The following FAM163B variants were observed in gnomAD, a reference collection of about 807,000 sequenced individuals.
FAM163B encodes family with sequence similarity 163 member B.
In FAM163B, 4 loss-of-function variants were observed where a neutral mutation model predicts 7.6. That is an observed-to-expected ratio of 0.52 (90% CI 0.26 to 1.20). The LOEUF (loss-of-function observed/expected upper bound fraction) is 1.20. FAM163B is among the 50% of genes most tolerant of loss of function. FAM163B has a pLI of 0.14. For synonymous variants in FAM163B, 120 were observed against 111.6 expected (o/e 1.07, Z -0.47); for missense variants, 250 against 243.0 (o/e 1.03, Z -0.19).
At chr9:133,579,962 G>T (rs1831330254) in intron 2 of FAM163B, among the ~76,000 whole-genome samples, 169 bp downstream of exon 2, 1 of 152,196 alleles carries the variant, frequency 6.6e-6, no homozygotes, top group African/African-American at 2.4e-5. Flanking sequence ...ATCTTACTGA[G>T]CCCCATGGTA....
intron 1 of FAM163B, among the ~76,000 whole-genome samples, chr9:133,587,104 C>T (rs972759556): frequency 4.6e-5 from 7 of 152,188 alleles, no homozygotes; most frequent in African/African-American, 9.7e-5. Flanking sequence ...AAAAGCCGAC[C>T]GGACAGATGC....
chr9:133,606,017 G>T lies in FAM163B; in HGVS notation c.-24+3060C>A, dbSNP rs1199136073. ...TCCGGGCTCCCAGAGCCTGGTTCCT[G>T]TGGACTGCGGCGGAAAGCCCAACCA... On this transcript the variant is annotated intron_variant, in intron 1 of 2. Coordinates refer to ENST00000673969, the MANE Select transcript of FAM163B (RefSeq NM_001080515.3). The surrounding 1 kb of genome is among the most constrained non-coding windows in gnomAD (Gnocchi z 4.0). 1.3e-5 allele frequency among the ~76,000 whole-genome samples: 2 copies of T among 152,196 alleles called. No homozygotes were observed. The highest frequency in any genetic ancestry group is 4.8e-5 in the African/African-American group (2 of 41,446).
chr9:133,593,136 G>A (rs1490770528), intron 1 of FAM163B, among the ~76,000 whole-genome samples: 3 of 152,216 alleles, frequency 2.0e-5, no homozygotes, highest in Admixed American at 2.0e-4. Flanking sequence ...GCTGGGACCT[G>A]ATGAAGGTTT....
At chr9:133,602,639 AG>A (rs1831744470) in intron 1 of FAM163B, among the ~76,000 whole-genome samples, 1 of 152,196 alleles carries the variant, frequency 6.6e-6, no homozygotes, top group East Asian at 1.9e-4. Context: ...CAGTAATTAG[AG>A]GGAACTCTCA....
rs1255749065 is a variant in FAM163B at position 133,601,397 on chromosome 9, G to A, written c.-24+7680C>T. On this transcript the variant is annotated intron_variant, in intron 1 of 2. Transcript: ENST00000673969. The surrounding 1 kb of genome is among the most constrained non-coding windows in gnomAD (Gnocchi z 4.1). Reference sequence around the variant, plus strand: ...CAGCCATTTTTAAACGAGTGGAGGTGTGCTGTTGAAAGGGTCTGTCTTGCA... The same window carrying A: ...CAGCCATTTTTAAACGAGTGGAGGTATGCTGTTGAAAGGGTCTGTCTTGCA... 6.6e-6 allele frequency among the ~76,000 whole-genome samples: 1 copy of A among 152,222 alleles called. No individual in the cohort carries two copies. The highest frequency in any genetic ancestry group is 2.1e-4 in the South Asian group (1 of 4,832).
chr9:133,580,897 C>T (rs915436049), intron 1 of FAM163B, among the ~76,000 whole-genome samples: 102 of 152,340 alleles, frequency 6.7e-4, no homozygotes, highest in African/African-American at 1.1e-3. Flanking sequence ...TCTTGCAAAA[C>T]TGAAAACCAA....
rs1042437764 is a variant in FAM163B at position 133,606,227 on chromosome 9, C to T, written c.-24+2850G>A. 6.6e-6 allele frequency among the ~76,000 whole-genome samples: 1 copy of T among 152,204 alleles called. No individual in the cohort carries two copies. Among genetic ancestry groups the T allele is most frequent in the Admixed American group, 6.5e-5 (1 of 15,284 alleles). ...GCTTTCAACTCTACCTCCACCAGCC[C>T]ACTTCACCCCAGGGGCAACAGGATT... On this transcript the variant is annotated intron_variant, in intron 1 of 2. Transcript: ENST00000673969. The surrounding 1 kb of genome is among the most constrained non-coding windows in gnomAD (Gnocchi z 4.0).
intron 1 of FAM163B, among the ~76,000 whole-genome samples, chr9:133,582,429 C>T (rs1831369999): frequency 6.6e-6 from 1 of 152,232 alleles, no homozygotes; most frequent in Admixed American, 6.5e-5. Flanking sequence ...CAGGCCCCAG[C>T]ACCAGTAAGA....
In FAM163B at chr9:133,590,049, TCCCTTCCCTTCCCTTC is replaced by T. The variant is rs776750485; in HGVS notation, c.-23-9819_-23-9804del. Among the ~76,000 whole-genome samples, 76 of 35,762 alleles carry T rather than the reference TCCCTTCCCTTCCCTTC, an allele frequency of 2.1e-3. 7 individuals are homozygous for T. The highest frequency in any genetic ancestry group is 2.8e-3 in the Non-Finnish European group (40 of 14,448). The allele number at this position is 35,762 out of a possible 152,430, so 23.5% of individuals were successfully genotyped here. A position where few individuals can be genotyped will look rare whatever the true frequency, so the allele number is the denominator to read the frequency against. On this transcript the variant is annotated intron_variant, in intron 1 of 2. Coordinates refer to ENST00000673969, the MANE Select transcript of FAM163B (RefSeq NM_001080515.3). ...CTGCTGGACTTAAGTTCCCTTCCCT[TCCCTTCCCTTCCCTTC>T]CCCTTCCCTTCCCCTTCCCCTTCCC...
In FAM163B at chr9:133,609,186, CCAG is replaced by C. The variant is rs1831823782; in HGVS notation, c.-136_-134del. 6.6e-6 allele frequency among the ~76,000 whole-genome samples: 1 copy of C among 151,758 alleles called. No homozygotes were observed. Among genetic ancestry groups the C allele is most frequent in the African/African-American group, 2.4e-5 (1 of 41,402 alleles). The stretch of plus-strand genomic sequence containing the variant: ...CGCAGCTAGCGGCGGCCGCTCATGC[CCAG>C]GCCACGGCGGTGGCGCCTGGTGTGG... On this transcript the variant is annotated 5_prime_UTR_variant, in exon 1 of 3. Coordinates refer to ENST00000673969, the MANE Select transcript of FAM163B (RefSeq NM_001080515.3).
At chr9:133,583,886 G>T (rs1173624297) in intron 1 of FAM163B, among the ~76,000 whole-genome samples, 1 of 152,202 alleles carries the variant, frequency 6.6e-6, no homozygotes, top group African/African-American at 2.4e-5. Context: ...CCAGGGCCAG[G>T]CATGGCCGAC....
chr9:133,599,373 C>T (rs1350095687), intron 1 of FAM163B, among the ~76,000 whole-genome samples: 7 of 152,184 alleles, frequency 4.6e-5, no homozygotes, highest in Admixed American at 3.9e-4. Flanking sequence ...CAAAGGGAAC[C>T]TGGGTCCCGG....
At chr9:133,582,815 A>G (rs1268843523) in intron 1 of FAM163B, among the ~76,000 whole-genome samples, 1 of 152,202 alleles carries the variant, frequency 6.6e-6, no homozygotes, top group Non-Finnish European at 1.5e-5. Flanking sequence ...CCTTGGGTAG[A>G]GACATGAGTG....
chr9:133,580,340 GA>G (rs1423965782), intron 1 of FAM163B, 94 bp from the exon 2 acceptor site: 20 of 989,454 alleles, frequency 2.0e-5, no homozygotes, highest in East Asian at 2.6e-5. Context: ...AAGCTGAGGG[GA>G]AAAAAGCACC....
chr9:133,593,531 G>C (rs988359413), intron 1 of FAM163B, among the ~76,000 whole-genome samples: 19 of 152,198 alleles, frequency 1.2e-4, no homozygotes, highest in East Asian at 9.7e-4. Flanking sequence ...CCCAGCCCCG[G>C]ACACCTCTGA....
chr9:133,584,223 C>T (rs1831399183), intron 1 of FAM163B, among the ~76,000 whole-genome samples: 1 of 152,174 alleles, frequency 6.6e-6, no homozygotes, highest in Admixed American at 6.5e-5. Flanking sequence ...ACCTGCTGCC[C>T]TCCCTGAGTG....
At chr9:133,604,490 GCCAA>G (rs1427725584) in intron 1 of FAM163B, among the ~76,000 whole-genome samples, 2 of 152,112 alleles carry the variant, frequency 1.3e-5, no homozygotes, top group Non-Finnish European at 2.9e-5. Context: ...TAAAAAACCA[GCCAA>G]CCAACCAACC....
intron 1 of FAM163B, among the ~76,000 whole-genome samples, chr9:133,593,049 C>T (rs1406946980): frequency 5.9e-5 from 9 of 152,172 alleles, no homozygotes; most frequent in African/African-American, 1.9e-4. Flanking sequence ...CGTGTGAGTG[C>T]CGTGTGCGCC....
chr9:133,594,044 T>G (rs1351952057), intron 1 of FAM163B, among the ~76,000 whole-genome samples: 1 of 152,242 alleles, frequency 6.6e-6, no homozygotes, highest in Non-Finnish European at 1.5e-5. Context: ...TTTCTGTGAC[T>G]GTGCCAACTG....
Sources: allele counts gnomAD v4.1 joint callset (sites outside exome capture counted in the v4.1 genomes callset), GRCh38; gene constraint gnomAD v4.1.1; non-coding constraint Gnocchi (gnomAD v3.1); transcripts MANE v1.5; gene names NCBI Gene and HGNC (gene_info 2026-07-23, HGNC 2026-07-21).